Variants in RASGRP3 observed in about 807,000 individuals in gnomAD.
RASGRP3 encodes ras guanyl-releasing protein 3.
Under a neutral mutation model 82.7 loss-of-function variants are expected in RASGRP3, and 54 were observed. That is an observed-to-expected ratio of 0.65 (90% CI 0.52 to 0.82). RASGRP3 has a LOEUF of 0.82. Among genes scored for constraint, RASGRP3 ranks in the 40% least tolerant of loss-of-function variants. The pLI is 0.00. For missense variants in RASGRP3, 861 were observed against 828.9 expected (o/e 1.04, Z -0.48); for synonymous variants, 309 against 300.5 (o/e 1.03, Z -0.29).
intron 9 of RASGRP3, among the ~76,000 whole-genome samples, chr2:33,526,387 C>T (rs1240385379): frequency 6.6e-6 from 1 of 152,306 alleles, no homozygotes; most frequent in African/African-American, 2.4e-5. Context: ...GGAAGTAAGC[C>T]ACAGAAGTAC....
intron 14 of RASGRP3, among the ~76,000 whole-genome samples, chr2:33,551,374 T>G (rs1231089915): frequency 2.0e-5 from 3 of 152,164 alleles, no homozygotes; most frequent in Non-Finnish European, 4.4e-5. Context: ...TTTTTGGAAA[T>G]ACCTAGACCT....
At chr2:33,514,211 C>T (rs1242919759) in intron 2 of RASGRP3, among the ~76,000 whole-genome samples, 3 of 152,102 alleles carry the variant, frequency 2.0e-5, no homozygotes, top group African/African-American at 7.2e-5. Context: ...AATAATCTTA[C>T]TCTCAGGCAA....
chr2:33,453,924 A>G (rs922911137), intron 2 of RASGRP3, among the ~76,000 whole-genome samples: 1 of 152,318 alleles, frequency 6.6e-6, no homozygotes, highest in Non-Finnish European at 1.5e-5. Flanking sequence ...AACAAGAGAA[A>G]TTTATTTTTC....
chr2:33,464,325 G>T (rs951306259), intron 2 of RASGRP3, among the ~76,000 whole-genome samples: 26 of 151,248 alleles, frequency 1.7e-4, no homozygotes, highest in Admixed American at 2.0e-4. Flanking sequence ...TTACCATGTT[G>T]CCCAGGCTGG....
chr2:33,439,893 G>A (rs1321847710), intron 1 of RASGRP3, among the ~76,000 whole-genome samples: 3 of 152,186 alleles, frequency 2.0e-5, no homozygotes, highest in Non-Finnish European at 4.4e-5. Context: ...GAACTTGCTG[G>A]GGGAGAGATC....
chr2:33,496,074 G>A (rs904445345), intron 1 of RASGRP3, among the ~76,000 whole-genome samples: 3 of 152,192 alleles, frequency 2.0e-5, no homozygotes, highest in African/African-American at 4.8e-5. Context: ...AGCCAATCCT[G>A]TATGGCCCTA....
chr2:33,537,985 G>T (rs1256959958), intron 11 of RASGRP3, among the ~76,000 whole-genome samples: 1 of 152,190 alleles, frequency 6.6e-6, no homozygotes, highest in Non-Finnish European at 1.5e-5. Flanking sequence ...ATTGAGCAAG[G>T]TGCAGACGTA....
rs907529178 is a variant in RASGRP3 at position 33,559,353 on chromosome 2, C to T, written c.2064+323C>T. Among the ~76,000 whole-genome samples, 4 of 152,292 alleles carry T rather than the reference C, an allele frequency of 2.6e-5. No homozygotes were observed. The East Asian group carries it at 7.7e-4, about 29-fold the overall frequency. ...ATATCCAAAATACCAGTACACGATA[C>T]AGATCAGCTTGGTTTTCCAAGCTAG... On this transcript the variant is annotated intron_variant, in intron 17 of 17. Coordinates refer to ENST00000403687, the MANE Select transcript of RASGRP3 (RefSeq NM_001139488.2).
intron 2 of RASGRP3, among the ~76,000 whole-genome samples, chr2:33,514,523 A>AAC (rs1553350102): frequency 6.0e-5 from 9 of 149,620 alleles, no homozygotes; most frequent in African/African-American, 2.0e-4. Context: ...AAAAAAAAAA[A>AAC]AAAACCCAAA....
intron 2 of RASGRP3, among the ~76,000 whole-genome samples, chr2:33,464,478 TAA>T (rs869137733): frequency 4.5e-4 from 60 of 134,074 alleles, no homozygotes; most frequent in Middle Eastern, 4.1e-3. Context: ...GATCTTTTTT[TAA>T]AAAAAAAAAA....
At chr2:33,511,664 T>C (rs975469360) in intron 1 of RASGRP3, 46 bp from the exon 2 acceptor site, 7 of 152,686 alleles carry the variant, frequency 4.6e-5, no homozygotes, top group African/African-American at 1.7e-4. Flanking sequence ...TTTGGGGTTA[T>C]CATGATCTAA....
At chr2:33,546,543 G>A (rs936066212) in intron 13 of RASGRP3, among the ~76,000 whole-genome samples, 1 of 152,018 alleles carries the variant, frequency 6.6e-6, no homozygotes, top group Non-Finnish European at 1.5e-5. Flanking sequence ...GCAGTATGGC[G>A]ATTCCTCAAG....
chr2:33,534,303 C>A lies in RASGRP3; in HGVS notation c.1084-20C>A. On this transcript the variant is annotated intron_variant, in intron 10 of 17. Transcript: ENST00000403687. Reference sequence around the variant, plus strand: ...AATAAATGTAATCCGACATTTTTATCCCTTCTAATTTTGTTGTAGCTTTCC... The same window carrying A: ...AATAAATGTAATCCGACATTTTTATACCTTCTAATTTTGTTGTAGCTTTCC... 1 of 1,481,128 alleles carries A rather than the reference C, an allele frequency of 6.8e-7. No homozygotes were observed. The highest frequency in any genetic ancestry group is 9.4e-7 in the Non-Finnish European group (1 of 1,065,988). The allele number at this position is 1,481,128 out of a possible 1,614,324, so 91.7% of individuals were successfully genotyped here.
intron 12 of RASGRP3, 163 bp downstream of exon 12, chr2:33,539,373 GGA>G (rs1403054339): frequency 3.4e-6 from 2 of 586,750 alleles, no homozygotes; most frequent in Non-Finnish European, 6.2e-6. Context: ...TGGGTCCTGG[GGA>G]GAGTCGATCA....
intron 2 of RASGRP3, among the ~76,000 whole-genome samples, chr2:33,457,629 G>A (rs1226242987): frequency 2.0e-5 from 3 of 151,900 alleles, no homozygotes; most frequent in Non-Finnish European, 4.4e-5. Flanking sequence ...TCCTGATGCG[G>A]AATGCATTAT....
chr2:33,458,507 C>T (rs78487506), intron 2 of RASGRP3, among the ~76,000 whole-genome samples: 1 of 152,144 alleles, frequency 6.6e-6, no homozygotes. Context: ...AGATCAAACT[C>T]TGTGGTGAAG....
chr2:33,525,095 C>CAAAAAAAAAAAAAAAAACA (rs1672407270), intron 9 of RASGRP3, among the ~76,000 whole-genome samples: 1 of 114,078 alleles, frequency 8.8e-6, no homozygotes, highest in Non-Finnish European at 1.9e-5. Context: ...AAAAAAAAAC[C>CAAAAAAAAAAAAAAAAACA]AAAAAAAAAA....
chr2:33,503,266 G>A (rs1670050707), intron 1 of RASGRP3, among the ~76,000 whole-genome samples: 1 of 152,182 alleles, frequency 6.6e-6, no homozygotes, highest in Non-Finnish European at 1.5e-5. Flanking sequence ...TCTCATGTCA[G>A]AGATGATGAA....
Position 33,563,194 on chromosome 2 carries a change from TTTGTTTTTC to T in RASGRP3, c.*465_*473del, listed in dbSNP as rs1368529503. ...TTATTTAGAGGGGTTTTTTTCATTT[TTTGTTTTTC>T]TTGTTTTGTTTTGTTTTGTTTTGTT... On this transcript the variant is annotated 3_prime_UTR_variant, in exon 18 of 18. Transcript: ENST00000403687. 9.3e-6 allele frequency: 1 copy of T among 107,922 alleles called. No individual in the cohort carries two copies. Among genetic ancestry groups the T allele is most frequent in the African/African-American group, 4.7e-5 (1 of 21,370 alleles). The allele number at this position is 107,922 out of a possible 1,614,324, so 6.7% of individuals were successfully genotyped here.
Sources: gnomAD v4.1 joint callset for allele counts (sites outside exome capture counted in the v4.1 genomes callset) on GRCh38, gnomAD v4.1.1 for gene constraint, MANE v1.5 for transcripts, NCBI Gene and HGNC (gene_info 2026-07-23, HGNC 2026-07-21) for gene names.